The following LRP1B variants were observed in gnomAD, a reference collection of about 807,000 sequenced individuals.
The protein encoded by LRP1B is low-density lipoprotein receptor-related protein 1B.
A neutral mutation model predicts 556.6 loss-of-function variants in LRP1B; 217 were observed. That is an observed-to-expected ratio of 0.39 (90% CI 0.35 to 0.44). The LOEUF is 0.44. Among genes scored for constraint, LRP1B ranks in the 20% least tolerant of loss-of-function variants. The pLI is 1.00. For missense variants in LRP1B, 5,053 were observed against 5,620.8 expected (o/e 0.90, Z 3.23); for synonymous variants, 2,047 against 1,865.8 (o/e 1.10, Z -2.50).
intron 3 of LRP1B, among the ~76,000 whole-genome samples, chr2:141,470,565 G>T (rs1287772249): frequency 6.6e-6 from 1 of 152,158 alleles, no homozygotes; most frequent in African/African-American, 2.4e-5. Context: ...ATATGTTAAG[G>T]CCCAGTAGTC....
chr2:141,837,682 A>G (rs1426344571), intron 1 of LRP1B, among the ~76,000 whole-genome samples: 1 of 152,110 alleles, frequency 6.6e-6, no homozygotes, highest in Non-Finnish European at 1.5e-5. Flanking sequence ...AAAGCATCTA[A>G]TGCCATGTGT....
chr2:141,189,170 T>G, intron 6 of LRP1B, among the ~76,000 whole-genome samples: 1 of 152,002 alleles, frequency 6.6e-6, no homozygotes, highest in Admixed American at 6.6e-5. Context: ...AAGGACTGAT[T>G]AATTAATTCT....
At chr2:140,631,587 CAGT>C (rs1468298480) in intron 41 of LRP1B, among the ~76,000 whole-genome samples, 1 of 152,094 alleles carries the variant, frequency 6.6e-6, no homozygotes. Flanking sequence ...AAAGACATGT[CAGT>C]AGAAACTTCT....
intron 3 of LRP1B, among the ~76,000 whole-genome samples, chr2:141,255,700 A>T (rs143645111): frequency 1.8e-4 from 27 of 152,034 alleles, no homozygotes; most frequent in Middle Eastern, 3.4e-3. Context: ...TACTTCTTTG[A>T]GAAAACTGAA....
chr2:141,175,871 C>A (rs970322614), intron 7 of LRP1B, among the ~76,000 whole-genome samples: 2 of 152,266 alleles, frequency 1.3e-5, no homozygotes, highest in Admixed American at 1.3e-4. Flanking sequence ...AAGGGCAGAG[C>A]TGCCCAAGGC....
At chr2:141,649,916 GT>G (rs1689720873) in intron 2 of LRP1B, among the ~76,000 whole-genome samples, 1 of 152,178 alleles carries the variant, frequency 6.6e-6, no homozygotes, top group Admixed American at 6.5e-5. Context: ...GCAGTGGCTA[GT>G]GCCTGTGATT....
intron 3 of LRP1B, among the ~76,000 whole-genome samples, chr2:141,361,800 C>T (rs915743931): frequency 3.9e-5 from 6 of 152,118 alleles, no homozygotes; most frequent in African/African-American, 1.4e-4. Flanking sequence ...TCTTTCCAGA[C>T]CCTTGTTAAA....
chr2:140,415,309 T>C (rs148791415), intron 66 of LRP1B, among the ~76,000 whole-genome samples: 1,797 of 151,728 alleles, frequency 0.012, 38 homozygotes, highest in African/African-American at 0.042. Flanking sequence ...TTGTCCTGTT[T>C]CCTCAGAAGC....
At chr2:140,789,771 C>T (rs1483865662) in intron 32 of LRP1B, among the ~76,000 whole-genome samples, 1 of 149,584 alleles carries the variant, frequency 6.7e-6, no homozygotes, top group African/African-American at 2.4e-5. Flanking sequence ...GCTGGGACTA[C>T]AGGCGCCCGC....
At chr2:140,949,321 AT>A (rs1015356264) in intron 20 of LRP1B, among the ~76,000 whole-genome samples, 1 of 152,122 alleles carries the variant, frequency 6.6e-6, no homozygotes, top group African/African-American at 2.4e-5. Flanking sequence ...CAGTCTAATG[AT>A]TTTTTTCTGT....
intron 79 of LRP1B, among the ~76,000 whole-genome samples, chr2:140,334,092 T>C (rs796776369): frequency 2.6e-5 from 4 of 152,118 alleles, no homozygotes; most frequent in African/African-American, 9.6e-5. Context: ...TCATTTCATC[T>C]CTCATTCTCT....
intron 37 of LRP1B, among the ~76,000 whole-genome samples, chr2:140,710,721 T>C (rs1315204793): frequency 6.6e-6 from 1 of 152,000 alleles, no homozygotes; most frequent in East Asian, 1.9e-4. Flanking sequence ...AATTCTTGGA[T>C]GGACTATCAG....
intron 1 of LRP1B, among the ~76,000 whole-genome samples, chr2:141,877,181 T>C (rs73964826): frequency 0.057 from 8,603 of 152,032 alleles, 821 homozygotes; most frequent in African/African-American, 0.2. Context: ...TAACATGTTA[T>C]AGAGTGTTAA....
Position 140,509,965 on chromosome 2 carries a change from A to G in LRP1B, c.8361T>C (p.Cys2787=), listed in dbSNP as rs779632456. ...TGGAAAGCTCATCGCTTCCATCTGG[A>G]CAGTCCCTTTCACCATCACAAAGCC... ...RHWLCDGERD[C]PDGSDELSTA... is the part of the protein sequence containing the mutation. The change falls in exon 52 of 91, where the codon TGT becomes TGC. Residue 2787 remains cysteine (C), a synonymous_variant. Transcript: ENST00000389484. The G allele has an allele frequency of 6.2e-7, 1 of 1,614,018 alleles. No homozygotes were observed. Among genetic ancestry groups the G allele is most frequent in the Non-Finnish European group, 8.5e-7 (1 of 1,180,036 alleles).
chr2:140,769,079 A>C (rs1189372207), intron 35 of LRP1B, 134 bp downstream of exon 35: 23 of 790,830 alleles, frequency 2.9e-5, no homozygotes, highest in Non-Finnish European at 4.1e-5. Context: ...GATTGGCCTT[A>C]ATATTTATCT....
intron 41 of LRP1B, among the ~76,000 whole-genome samples, chr2:140,661,074 G>A (rs746208786): frequency 9.2e-5 from 14 of 151,944 alleles, no homozygotes; most frequent in Non-Finnish European, 1.5e-4. Context: ...TCAACTCATA[G>A]ACATACTTTT....
intron 43 of LRP1B, among the ~76,000 whole-genome samples, chr2:140,561,524 T>C (rs1680929631): frequency 1.3e-5 from 2 of 152,322 alleles, no homozygotes; most frequent in Non-Finnish European, 1.5e-5. Context: ...GCTTTTCTCT[T>C]GTTAGCCTAT....
At chr2:141,283,034 G>T (rs577107113) in intron 3 of LRP1B, among the ~76,000 whole-genome samples, 3 of 152,226 alleles carry the variant, frequency 2.0e-5, no homozygotes, top group South Asian at 4.1e-4. Context: ...ATCTAGTCCA[G>T]ATGCCTAGCA....
intron 6 of LRP1B, among the ~76,000 whole-genome samples, chr2:141,193,382 C>CAT (rs1176970236): frequency 6.6e-6 from 1 of 151,872 alleles, no homozygotes; most frequent in Non-Finnish European, 1.5e-5. Context: ...AAACATGGTG[C>CAT]ATATATATAC....
Sources: allele counts gnomAD v4.1 joint callset (sites outside exome capture counted in the v4.1 genomes callset), GRCh38; gene constraint gnomAD v4.1.1; transcripts MANE v1.5; gene names NCBI Gene and HGNC (gene_info 2026-07-23, HGNC 2026-07-21).